Variants in KCNIP4 observed in about 807,000 individuals in gnomAD.
The protein encoded by KCNIP4 is Kv channel-interacting protein 4.
KCNIP4 carries 12 observed loss-of-function variants against 34.0 expected under a neutral mutation model. The observed-to-expected ratio is 0.35, with a 90% confidence interval of 0.23 to 0.57. The LOEUF (loss-of-function observed/expected upper bound fraction) is 0.57, where lower values mean the gene tolerates loss of function less well. KCNIP4 is among the 20% of genes least tolerant of loss of function. The pLI, the probability that KCNIP4 is intolerant of heterozygous loss-of-function variation, is 0.83. For synonymous variants in KCNIP4, 124 were observed against 102.2 expected, an observed-to-expected ratio of 1.21 and a Z score of -1.29; for missense variants, 238 against 311.7, an observed-to-expected ratio of 0.76 and a Z score of 1.78.
chr4:21,124,248 G>T (rs565494217), intron 1 of KCNIP4, among the ~76,000 whole-genome samples: 3 of 152,080 alleles, frequency 2.0e-5, no homozygotes, highest in African/African-American at 7.2e-5. Flanking sequence ...GAATGAGAAA[G>T]AAAAAGGCAA....
intron 3 of KCNIP4, among the ~76,000 whole-genome samples, chr4:20,826,510 G>T (rs1578712208): frequency 6.6e-6 from 1 of 152,048 alleles, no homozygotes; most frequent in East Asian, 1.9e-4. Flanking sequence ...CTTGTGTCCA[G>T]GAGGTCAAGT....
chr4:21,044,531 C>T (rs1019471048), intron 1 of KCNIP4, among the ~76,000 whole-genome samples: 4 of 151,972 alleles, frequency 2.6e-5, no homozygotes, highest in Non-Finnish European at 4.4e-5. Flanking sequence ...AGGATGGTCT[C>T]GATCTCTTGA....
At chr4:21,708,677 C>A (rs1211941305) in intron 1 of KCNIP4, among the ~76,000 whole-genome samples, 4 of 152,024 alleles carry the variant, frequency 2.6e-5, no homozygotes, top group Admixed American at 2.6e-4. Context: ...AAACAAATCA[C>A]AAGTGAGTCA....
rs12644769 is a variant in KCNIP4 at position 21,125,186 on chromosome 4, G to A, written c.62-242477C>T. 7.5e-5 allele frequency among the ~76,000 whole-genome samples: 3 copies of A among 39,852 alleles called. No homozygotes were observed. The East Asian group carries it at 1.5e-3, about 20-fold the overall frequency. The allele number at this position is 39,852 out of a possible 152,430, so 26.1% of individuals were successfully genotyped here. On this transcript the variant is annotated intron_variant, in intron 1 of 8. Coordinates refer to ENST00000382152, the MANE Select transcript of KCNIP4 (RefSeq NM_025221.6). ...AGGAGGGCTTTTTTTATTTTATTTT[G>A]TCTTATTTTATTTTATTTTATTTTA...
At chr4:21,236,878 G>A (rs1759400027) in intron 1 of KCNIP4, among the ~76,000 whole-genome samples, 1 of 151,416 alleles carries the variant, frequency 6.6e-6, no homozygotes, top group African/African-American at 2.4e-5. Context: ...AAATTAGCAG[G>A]TGCCTGTAAT....
intron 1 of KCNIP4, among the ~76,000 whole-genome samples, chr4:21,765,432 GT>G (rs1718344947): frequency 6.6e-6 from 1 of 151,972 alleles, no homozygotes; most frequent in South Asian, 2.1e-4. Context: ...ATGTGTCCAT[GT>G]TGCTTAACAA....
chr4:20,972,048 T>C (rs994033623), intron 1 of KCNIP4, among the ~76,000 whole-genome samples: 1 of 152,224 alleles, frequency 6.6e-6, no homozygotes, highest in Non-Finnish European at 1.5e-5. Context: ...AGTTTGATCA[T>C]GAGATTCCAG....
At chr4:20,877,698 C>A (rs1046512941) in intron 2 of KCNIP4, among the ~76,000 whole-genome samples, 47 of 152,206 alleles carry the variant, frequency 3.1e-4, no homozygotes, top group African/African-American at 1.1e-3. Flanking sequence ...GGGTGCCAAC[C>A]GTATGAAATT....
chr4:21,326,755 G>A (rs1187560952), intron 1 of KCNIP4, among the ~76,000 whole-genome samples: 1 of 150,400 alleles, frequency 6.6e-6, no homozygotes, highest in Non-Finnish European at 1.5e-5. Context: ...TAGTGAAGGT[G>A]TTTTTCTCTG....
intron 1 of KCNIP4, among the ~76,000 whole-genome samples, chr4:21,834,068 T>A (rs1438743415): frequency 6.6e-6 from 1 of 152,112 alleles, no homozygotes; most frequent in African/African-American, 2.4e-5. Context: ...TTGACTTGGC[T>A]ATGTGGGCTC....
chr4:21,780,067 C>A (rs1289570699), intron 1 of KCNIP4, among the ~76,000 whole-genome samples: 1 of 151,970 alleles, frequency 6.6e-6, no homozygotes, highest in African/African-American at 2.4e-5. Context: ...TTCTGAGCCT[C>A]CAGATGAAGA....
At chr4:21,921,945 A>C (rs1728961260) in intron 1 of KCNIP4, among the ~76,000 whole-genome samples, 1 of 152,132 alleles carries the variant, frequency 6.6e-6, no homozygotes, top group East Asian at 1.9e-4. Context: ...TCAAATCCAA[A>C]TGCAGCCTCC....
chr4:21,894,518 A>T (rs1167086687), intron 1 of KCNIP4, among the ~76,000 whole-genome samples: 1 of 151,844 alleles, frequency 6.6e-6, no homozygotes, highest in Non-Finnish European at 1.5e-5. Flanking sequence ...CTGAGGAAAC[A>T]CAGAGCTTAC....
chr4:20,914,076 G>A lies in KCNIP4; in HGVS notation c.62-31367C>T, dbSNP rs1728582526. 1.3e-5 allele frequency among the ~76,000 whole-genome samples: 2 copies of A among 151,948 alleles called. 1 individual carries two copies. The highest frequency in any genetic ancestry group is 4.2e-4 in the South Asian group (2 of 4,816). ...GGAGGCTGAGGCAGGAGAATCGCTT[G>A]AACCCGGGAGGAGGAGGTTGCAGTC... On this transcript the variant is annotated intron_variant, in intron 1 of 8. Transcript: ENST00000382152.
rs552835012 is a variant in KCNIP4, at chr4:21,643,913, T to C, written c.61+304658A>G. Among the ~76,000 whole-genome samples, 427 of 141,034 alleles carry C rather than the reference T, an allele frequency of 3.0e-3. 6 individuals carry two copies. The highest frequency in any genetic ancestry group is 0.024 in the South Asian group (101 of 4,270). The allele number at this position is 141,034 out of a possible 152,430, so 92.5% of individuals were successfully genotyped here. Reference sequence around the variant, plus strand: ...ATAGATAGATAGATAGATAGATAGATAGACTGGCAGAAAGATAGATAGATA... The same window carrying C: ...ATAGATAGATAGATAGATAGATAGACAGACTGGCAGAAAGATAGATAGATA... On this transcript the variant is annotated intron_variant, in intron 1 of 8. Coordinates refer to ENST00000382152, the MANE Select transcript of KCNIP4 (RefSeq NM_025221.6).
Position 21,389,738 on chromosome 4 carries a change from T to C in KCNIP4, c.62-507029A>G, listed in dbSNP as rs190611245. Reference sequence around the variant, plus strand: ...TGCGTTGGTTCCAAGTCTTTTCTATTGCGAATAGTGCCACAATAAACATAC... The same window carrying C: ...TGCGTTGGTTCCAAGTCTTTTCTATCGCGAATAGTGCCACAATAAACATAC... On this transcript the variant is annotated intron_variant, in intron 1 of 8. Coordinates refer to ENST00000382152, the MANE Select transcript of KCNIP4 (RefSeq NM_025221.6). Among the ~76,000 whole-genome samples the C allele has an allele frequency of 8.5e-4, 129 of 152,202 alleles. 1 individual carries two copies. The South Asian group carries it at 8.9e-3, about 11-fold the overall frequency.
At chr4:20,898,317 G>A (rs562064801) in intron 1 of KCNIP4, among the ~76,000 whole-genome samples, 2 of 152,178 alleles carry the variant, frequency 1.3e-5, no homozygotes, top group Non-Finnish European at 2.9e-5. Flanking sequence ...TTCTCTCTTT[G>A]TATACATAGT....
chr4:20,893,879 T>A (rs951689749), intron 1 of KCNIP4, among the ~76,000 whole-genome samples: 3 of 152,202 alleles, frequency 2.0e-5, no homozygotes, highest in African/African-American at 7.2e-5. Context: ...TTTATTTTTA[T>A]ATTTTTTAAT....
rs144672689 is a variant in KCNIP4, at chr4:21,508,838, C to T, written c.61+439733G>A. ...TTGTGAGCTGATCAACTCTAGGATACCACCTTCCTTCAAACTTGGTATATA... is the reference window on the plus strand; with the variant it reads ...TTGTGAGCTGATCAACTCTAGGATATCACCTTCCTTCAAACTTGGTATATA... On this transcript the variant is annotated intron_variant, in intron 1 of 8. Coordinates refer to ENST00000382152, the MANE Select transcript of KCNIP4 (RefSeq NM_025221.6). Among the ~76,000 whole-genome samples, 939 of 152,262 alleles carry T rather than the reference C, an allele frequency of 6.2e-3. 16 individuals carry two copies. Among genetic ancestry groups the T allele is most frequent in the South Asian group, 0.04 (194 of 4,824 alleles).
Sources: gnomAD v4.1 joint callset for allele counts (sites outside exome capture counted in the v4.1 genomes callset) on GRCh38, gnomAD v4.1.1 for gene constraint, MANE v1.5 for transcripts, NCBI Gene and HGNC (gene_info 2026-07-23, HGNC 2026-07-21) for gene names.